The following LCORL variants were observed in gnomAD, a reference collection of about 807,000 sequenced individuals.
LCORL encodes the protein ligand dependent nuclear receptor corepressor like.
A neutral mutation model predicts 141.8 loss-of-function variants in LCORL; 41 were observed. The ratio of observed to expected loss-of-function variants is 0.29; its 90% CI spans 0.23 to 0.38. The LOEUF is 0.38. LCORL is among the 10% of genes least tolerant of loss of function. LCORL has a pLI of 1.00. For missense variants in LCORL, 1,759 were observed against 2,035.0 expected, an observed-to-expected ratio of 0.86 and a Z score of 2.61; for synonymous variants, 618 against 694.1, an observed-to-expected ratio of 0.89 and a Z score of 1.72.
Position 17,976,804 on chromosome 4 carries a change from A to G in LCORL, c.155-3919T>C, listed in dbSNP as rs189589095. Reference sequence around the variant, plus strand: ...GTGCTTTCACCGTCTAGTGGTTTGCATAGTTGCTGGCAAGTTTACAATCTT... The same window carrying G: ...GTGCTTTCACCGTCTAGTGGTTTGCGTAGTTGCTGGCAAGTTTACAATCTT... On this transcript the variant is annotated intron_variant, in intron 1 of 7. Transcript: ENST00000635767. Among the ~76,000 whole-genome samples the G allele has an allele frequency of 7.9e-5, 12 of 152,228 alleles. No individual in the cohort carries two copies. In the East Asian group the frequency reaches 1.9e-3, roughly 24 times the overall value.
At chr4:17,985,035 A>C (rs542225629) in intron 1 of LCORL, among the ~76,000 whole-genome samples, 22 of 152,052 alleles carry the variant, frequency 1.4e-4, no homozygotes, top group Admixed American at 4.6e-4. Context: ...ACAACGTGCT[A>C]TTCAAGAGCA....
At chr4:17,999,082 C>T (rs1721484505) in intron 1 of LCORL, among the ~76,000 whole-genome samples, 1 of 143,192 alleles carries the variant, frequency 7.0e-6, no homozygotes, top group Admixed American at 7.1e-5. Context: ...GTATTATGTA[C>T]TGTACATAAT....
At chr4:17,874,867 G>C in exon 7 of LCORL, 1 of 1,233,686 alleles carries the variant, frequency 8.1e-7, no homozygotes, top group Non-Finnish European at 1.0e-6. Flanking sequence ...GAGTGCCTAT[G>C]TTTTTCCTTC....
At chr4:17,962,067 ATTT>A (rs770437651) in intron 3 of LCORL, 35 bp from the exon 4 acceptor site, 1 of 1,462,476 alleles carries the variant, frequency 6.8e-7, no homozygotes, top group Non-Finnish European at 9.3e-7. Context: ...ATACAGAATT[ATTT>A]TTTAATTCAA....
rs142996696 is a variant in LCORL at position 17,880,893 on chromosome 4, C to T, written c.777-2680G>A. ...GCAATTGATTTATGCATAAATATAA[C>T]TAATTGCCTAACAATCAGTTTATAT... is the stretch of plus-strand genomic sequence containing the variant. On this transcript the variant is annotated intron_variant, in intron 6 of 7. Coordinates refer to ENST00000635767, the Ensembl canonical transcript of LCORL. The T allele has an allele frequency of 1.9e-3, 1,748 of 904,016 alleles. 3 individuals carry two copies. The highest frequency in any genetic ancestry group is 2.2e-3 in the South Asian group (43 of 19,642). 56.0% of individuals were successfully genotyped at this position (904,016 alleles called of 1,614,324 possible).
At chr4:17,912,800 A>G in intron 4 of LCORL, 1 of 427,764 alleles carries the variant, frequency 2.3e-6, no homozygotes, top group Non-Finnish European at 4.6e-6. Flanking sequence ...CCTGCCAAAC[A>G]TCAAGGTCAA....
At chr4:17,880,422 T>G (rs999217366) in intron 6 of LCORL, 10 of 899,140 alleles carry the variant, frequency 1.1e-5, no homozygotes, top group Non-Finnish European at 1.1e-5. Flanking sequence ...GCTTTTAAAG[T>G]TTTCTAACCT....
chr4:17,967,505 T>TCTCGCCCTCTC (rs1715142606), intron 2 of LCORL, among the ~76,000 whole-genome samples: 1 of 152,210 alleles, frequency 6.6e-6, no homozygotes, highest in Non-Finnish European at 1.5e-5. Flanking sequence ...AAACTCTCTG[T>TCTCGCCCTCTC]ACTTTCTACT....
At chr4:17,944,508 T>C (rs1411489755) in intron 4 of LCORL, among the ~76,000 whole-genome samples, 2 of 152,204 alleles carry the variant, frequency 1.3e-5, no homozygotes, top group Non-Finnish European at 2.9e-5. Flanking sequence ...GTTGCTCAAA[T>C]TGTTGCAACT....
At chr4:17,874,475 G>A (rs984122018) in exon 7 of LCORL, 1 of 1,233,690 alleles carries the variant, frequency 8.1e-7, no homozygotes, top group African/African-American at 1.6e-5. Flanking sequence ...ACCAAGTACA[G>A]AGTTCATTCA....
chr4:17,848,565 A>AG (rs1297281651), intron 7 of LCORL, among the ~76,000 whole-genome samples: 6 of 152,246 alleles, frequency 3.9e-5, no homozygotes, highest in Admixed American at 1.3e-4. Flanking sequence ...ATGGCCAAAT[A>AG]GGAACAGCTC....
chr4:17,951,128 CTTTTTTT>C (rs1396896175), intron 4 of LCORL, among the ~76,000 whole-genome samples: 1 of 152,114 alleles, frequency 6.6e-6, no homozygotes, highest in African/African-American at 2.4e-5. Context: ...GCTCCTATTT[CTTTTTTT>C]AACCACTATA....
intron 4 of LCORL, among the ~76,000 whole-genome samples, chr4:17,929,919 T>C (rs1330698579): frequency 6.6e-6 from 1 of 152,126 alleles, no homozygotes; most frequent in African/African-American, 2.4e-5. Context: ...AATAAAGACA[T>C]GCCAAATTTG....
intron 1 of LCORL, among the ~76,000 whole-genome samples, chr4:18,010,054 A>G (rs986097831): frequency 2.6e-5 from 4 of 152,246 alleles, no homozygotes; most frequent in Admixed American, 6.5e-5. Context: ...ACCAGTGAAT[A>G]AACTGTGTAA....
chr4:17,908,752 A>C (rs971411731), intron 5 of LCORL, among the ~76,000 whole-genome samples: 3 of 152,186 alleles, frequency 2.0e-5, no homozygotes, highest in Non-Finnish European at 4.4e-5. Flanking sequence ...AAAAAAACGA[A>C]CAAGCAAGTG....
intron 4 of LCORL, among the ~76,000 whole-genome samples, chr4:17,959,363 G>T (rs535797994): frequency 6.6e-6 from 1 of 152,106 alleles, no homozygotes; most frequent in Admixed American, 6.5e-5. Context: ...ACAGAACACT[G>T]TTCATTTTTT....
chr4:17,896,281 CCT>C lies in LCORL; in HGVS notation c.683-10122_683-10121del, dbSNP rs371831539. ...TTTCTTTTCTCCTCTCCTTTCCTTC[CCT>C]CTCTCTCTCTCTCTTTCAAGAGGGA... On this transcript the variant is annotated intron_variant, in intron 5 of 7. Transcript: ENST00000635767. Among the ~76,000 whole-genome samples the C allele has an allele frequency of 1.0e-3, 155 of 150,786 alleles. No homozygotes were observed. The Middle Eastern group carries it at 0.027, about 27-fold the overall frequency.
At chr4:17,847,420 T>C (rs1478584781) in intron 7 of LCORL, among the ~76,000 whole-genome samples, 2 of 152,192 alleles carry the variant, frequency 1.3e-5, no homozygotes, top group Admixed American at 6.5e-5. Flanking sequence ...AAATCCGTTA[T>C]ATCCTGTTTT....
At chr4:17,979,714 G>C (rs1428258386) in intron 1 of LCORL, among the ~76,000 whole-genome samples, 1 of 152,034 alleles carries the variant, frequency 6.6e-6, no homozygotes, top group African/African-American at 2.4e-5. Context: ...AATTCCCTAA[G>C]GCCTAGAATG....
Sources: gnomAD v4.1 joint callset for allele counts (sites outside exome capture counted in the v4.1 genomes callset) on GRCh38, gnomAD v4.1.1 for gene constraint, MANE v1.5 for transcripts, NCBI Gene and HGNC (gene_info 2026-07-23, HGNC 2026-07-21) for gene names.